ITGB6: variants seen among roughly 807,000 people sequenced by gnomAD.
The protein encoded by ITGB6 is integrin beta-6.
In ITGB6, 80 loss-of-function variants were observed where a neutral mutation model predicts 84.5. That is an observed-to-expected ratio of 0.95 (90% CI 0.79 to 1.14). ITGB6 has a LOEUF of 1.14. Among genes scored for constraint, ITGB6 ranks in the 50% most tolerant of loss-of-function variants. The pLI, the probability that ITGB6 is intolerant of heterozygous loss-of-function variation, is 0.00. For synonymous variants in ITGB6, 383 were observed against 354.9 expected, an observed-to-expected ratio of 1.08 and a Z score of -0.89; for missense variants, 1,006 against 968.0, an observed-to-expected ratio of 1.04 and a Z score of -0.52.
intron 14 of ITGB6, among the ~76,000 whole-genome samples, chr2:160,102,197 A>G (rs1486136597): frequency 6.6e-6 from 1 of 152,232 alleles, no homozygotes; most frequent in African/African-American, 2.4e-5. Flanking sequence ...ACAGTGACAG[A>G]TGAACCAAAA....
intron 4 of ITGB6, among the ~76,000 whole-genome samples, chr2:160,188,806 A>C (rs945161084): frequency 1.3e-5 from 2 of 152,002 alleles, no homozygotes; most frequent in African/African-American, 4.8e-5. Flanking sequence ...GGGTTTTACC[A>C]CATTGGCCAG....
chr2:160,156,228 G>C (rs1366884086), intron 7 of ITGB6, among the ~76,000 whole-genome samples: 1 of 152,198 alleles, frequency 6.6e-6, no homozygotes, highest in Non-Finnish European at 1.5e-5. Context: ...GGAGTCATCA[G>C]CTCCTCATGG....
intron 12 of ITGB6, among the ~76,000 whole-genome samples, chr2:160,114,225 G>A (rs762637889): frequency 9.2e-5 from 14 of 152,068 alleles, no homozygotes; most frequent in South Asian, 2.1e-4. Flanking sequence ...TGACTGTTAC[G>A]GCTCTAGATG....
At chr2:160,106,416 C>A (rs1359951514) in intron 14 of ITGB6, among the ~76,000 whole-genome samples, 2 of 151,882 alleles carry the variant, frequency 1.3e-5, no homozygotes, top group African/African-American at 4.8e-5. Context: ...TTTTGTATTT[C>A]TTTTTGTAGG....
intron 7 of ITGB6, among the ~76,000 whole-genome samples, chr2:160,160,885 T>G (rs1309422445): frequency 2.0e-5 from 3 of 152,158 alleles, no homozygotes; most frequent in African/African-American, 7.2e-5. Context: ...AGTGCCCTTG[T>G]GCTGTGAGAC....
chr2:160,179,054 T>C (rs944584033), intron 4 of ITGB6: 14 of 152,284 alleles, frequency 9.2e-5, no homozygotes, highest in Non-Finnish European at 1.9e-4. Context: ...TAGGCACCTC[T>C]CACCAAATTA....
intron 6 of ITGB6, 80 bp downstream of exon 6, chr2:160,172,489 A>T (rs1685245320): frequency 7.7e-7 from 1 of 1,304,128 alleles, no homozygotes; most frequent in Non-Finnish European, 1.1e-6. Flanking sequence ...AGTGTATGTT[A>T]TTTCACATGT....
intron 12 of ITGB6, among the ~76,000 whole-genome samples, chr2:160,115,060 C>A (rs373138353): frequency 6.6e-6 from 1 of 152,218 alleles, no homozygotes; most frequent in Non-Finnish European, 1.5e-5. Context: ...GTAGGCTCCA[C>A]CTCTGGGGGC....
intron 12 of ITGB6, among the ~76,000 whole-genome samples, chr2:160,116,730 A>G (rs1209300037): frequency 2.0e-5 from 3 of 152,232 alleles, no homozygotes; most frequent in Admixed American, 2.0e-4. Context: ...AATTGGATGA[A>G]GACTCAAGAC....
intron 10 of ITGB6, among the ~76,000 whole-genome samples, chr2:160,134,189 T>A (rs1354762920): frequency 6.6e-6 from 1 of 151,620 alleles, no homozygotes. Flanking sequence ...GAGAGAAGAA[T>A]CAAATAGATG....
chr2:160,171,337 AT>A (rs71408117), intron 6 of ITGB6, among the ~76,000 whole-genome samples: 49 of 141,312 alleles, frequency 3.5e-4, no homozygotes, highest in Admixed American at 7.9e-4. Context: ...TTATTTTTTT[AT>A]TTTTTTTTTT....
intron 7 of ITGB6, among the ~76,000 whole-genome samples, chr2:160,156,741 C>T (rs1463842565): frequency 2.0e-5 from 3 of 152,156 alleles, no homozygotes; most frequent in Non-Finnish European, 4.4e-5. Flanking sequence ...GTTAACTTTC[C>T]TGATGTCATC....
At chr2:160,158,184 G>A (rs561129559) in intron 7 of ITGB6, among the ~76,000 whole-genome samples, 6 of 152,340 alleles carry the variant, frequency 3.9e-5, no homozygotes, top group African/African-American at 1.4e-4. Context: ...TGATGGGAGT[G>A]TGCTAATTAG....
At chr2:160,166,983 C>T (rs934911225) in intron 7 of ITGB6, among the ~76,000 whole-genome samples, 38 of 152,196 alleles carry the variant, frequency 2.5e-4, no homozygotes, top group Admixed American at 2.5e-3. Flanking sequence ...ACAGGGCCTT[C>T]GTTGAACCTA....
chr2:160,146,654 T>TTC lies in ITGB6; in HGVS notation c.1018-4585_1018-4584dup, dbSNP rs149103353. Among the ~76,000 whole-genome samples the TTC allele has an allele frequency of 2.5e-4, 38 of 151,716 alleles. 1 individual carries two copies. The highest frequency in any genetic ancestry group is 8.2e-4 in the African/African-American group (34 of 41,414). ...GTATCTCTTTAGCCAGCGGCTAGCA[T>TTC]TCTCTCTCTCTCTCTCCCTGTTTCT... On this transcript the variant is annotated intron_variant, in intron 7 of 14. Coordinates refer to ENST00000283249, the MANE Select transcript of ITGB6 (RefSeq NM_000888.5).
At chr2:160,153,429 A>G (rs1684504667) in intron 7 of ITGB6, among the ~76,000 whole-genome samples, 1 of 152,240 alleles carries the variant, frequency 6.6e-6, no homozygotes, top group Non-Finnish European at 1.5e-5. Flanking sequence ...CCTTATACAA[A>G]AATTAATTCA....
chr2:160,106,414 T>TTCTC (rs1215770642), intron 14 of ITGB6, among the ~76,000 whole-genome samples: 1 of 152,068 alleles, frequency 6.6e-6, no homozygotes, highest in East Asian at 1.9e-4. Flanking sequence ...ATTTTTGTAT[T>TTCTC]TCTTTTTGTA....
intron 4 of ITGB6, among the ~76,000 whole-genome samples, chr2:160,189,050 A>T (rs1283024386): frequency 6.6e-6 from 1 of 152,174 alleles, no homozygotes; most frequent in Non-Finnish European, 1.5e-5. Flanking sequence ...ATGATGCCAC[A>T]TATCTACAAC....
Position 160,180,413 on chromosome 2 carries a change from G to A in ITGB6, c.594-6274C>T, listed in dbSNP as rs574741060. ...CCTCCAGCTCTGGGACTACAGGCAT[G>A]TGCCACTGCACCTGGAAAAAGGGTG... On this transcript the variant is annotated intron_variant, in intron 4 of 14. Transcript: ENST00000283249. Among the ~76,000 whole-genome samples, 101 of 152,308 alleles carry A rather than the reference G, an allele frequency of 6.6e-4. 1 individual carries two copies. The highest frequency in any genetic ancestry group is 2.0e-3 in the Admixed American group (30 of 15,300).
Sources: gnomAD v4.1 joint callset for allele counts (sites outside exome capture counted in the v4.1 genomes callset) on GRCh38, gnomAD v4.1.1 for gene constraint, MANE v1.5 for transcripts, NCBI Gene and HGNC (gene_info 2026-07-23, HGNC 2026-07-21) for gene names.